The following TRAPPC12 variants were observed in gnomAD, a reference collection of about 807,000 sequenced individuals.
TRAPPC12 encodes trafficking protein particle complex subunit 12, also known as TPR repeat protein 15.
TRAPPC12 carries 61 observed loss-of-function variants against 69.2 expected under a neutral mutation model. The observed-to-expected ratio is 0.88, with a 90% confidence interval of 0.72 to 1.09. The LOEUF (loss-of-function observed/expected upper bound fraction) is 1.09. TRAPPC12 is among the 50% of genes least tolerant of loss of function. The pLI is 0.00. For synonymous variants in TRAPPC12, 469 were observed against 438.9 expected (o/e 1.07, Z -0.86); for missense variants, 1,101 against 1,016.4 (o/e 1.08, Z -1.13).
intron 3 of TRAPPC12, among the ~76,000 whole-genome samples, chr2:3,415,233 C>T (rs1311947313): frequency 1.3e-5 from 2 of 152,220 alleles, no homozygotes; most frequent in African/African-American, 4.8e-5. Flanking sequence ...TTCTGTTTCT[C>T]ACTCGCGGTG....
At chr2:3,479,050 A>C in intron 11 of TRAPPC12, 117 bp downstream of exon 11, 1 of 1,478,904 alleles carries the variant, frequency 6.8e-7, no homozygotes, top group Non-Finnish European at 9.2e-7. Context: ...CACCAGCTCC[A>C]GGCAGTGGCT....
At position 3,387,907 on chromosome 2, in the gene TRAPPC12, G is replaced by T; in HGVS notation, c.284G>T (p.Gly95Val). The T allele has an allele frequency of 6.5e-7, 1 of 1,549,118 alleles. No homozygotes were observed. Residue 95 changes from glycine to valine, a missense_variant, in exon 2 of 12, where the codon GGA (glycine) becomes GTA (valine). Gly to Val is a moderately radical substitution (Grantham distance 109). Coordinates refer to ENST00000324266, the MANE Select transcript of TRAPPC12 (RefSeq NM_016030.6). Reference protein sequence around the residue: ...LGRVRDEAEPGGEGDPGPEPA... With the variant: ...LGRVRDEAEPVGEGDPGPEPA... ...CGAGTGCGGGACGAAGCTGAGCCCG[G>T]AGGGGAAGGCGACCCAGGCCCGGAG...
intron 9 of TRAPPC12, chr2:3,466,242 C>T (rs1403661177): frequency 4.2e-6 from 2 of 470,718 alleles, no homozygotes; most frequent in Non-Finnish European, 8.8e-6. Flanking sequence ...CCTGTCAATC[C>T]CACCCTTGCA....
intron 2 of TRAPPC12, among the ~76,000 whole-genome samples, chr2:3,391,789 T>TC (rs1379467792): frequency 2.6e-5 from 4 of 152,086 alleles, no homozygotes; most frequent in African/African-American, 4.8e-5. Context: ...CTGTATCCTG[T>TC]CCCCCCAAGA....
At chr2:3,443,931 A>G (rs1459607750) in intron 6 of TRAPPC12, 40 bp downstream of exon 6, 6 of 1,481,986 alleles carry the variant, frequency 4.0e-6, no homozygotes, top group South Asian at 2.3e-5. Flanking sequence ...CGGGGAGAAC[A>G]TGCCCTCCAC....
At chr2:3,438,198 ACCCCTGG>A (rs1214321752) in intron 5 of TRAPPC12, among the ~76,000 whole-genome samples, 1 of 38,108 alleles carries the variant, frequency 2.6e-5, no homozygotes, top group Non-Finnish European at 4.8e-5. Flanking sequence ...AATCCCCACC[ACCCCTGG>A]ATTCATCCCC....
At chr2:3,457,160 A>G (rs966858877) in intron 6 of TRAPPC12, 5 of 461,600 alleles carry the variant, frequency 1.1e-5, no homozygotes, top group African/African-American at 1.0e-4. Context: ...CAACATGGAT[A>G]CAGCTGGAGG....
intron 1 of TRAPPC12, among the ~76,000 whole-genome samples, chr2:3,382,262 G>A (rs1572068768): frequency 6.7e-6 from 1 of 150,272 alleles, no homozygotes; most frequent in Non-Finnish European, 1.5e-5. Context: ...AGCCTCCCAA[G>A]TAGCTGAGAC....
chr2:3,409,282 T>G lies in TRAPPC12; in HGVS notation c.1164+7389T>G, dbSNP rs76473494. On this transcript the variant is annotated intron_variant, in intron 3 of 11. Transcript: ENST00000324266. ...ATCTCCTTTGGTGTGAACAAAAATA[T>G]TCCTGTGCCTAGAAATGTTTTTGAA... 0.017 allele frequency among the ~76,000 whole-genome samples: 2,648 copies of G among 152,328 alleles called. 114 individuals carry two copies. In the East Asian group the frequency reaches 0.17, roughly 10 times the overall value.
rs911324674 is a variant in TRAPPC12, at chr2:3,449,440, T to G, written c.1530+5549T>G. The G allele has an allele frequency of 2.0e-5, 3 of 152,552 alleles. No individual in the cohort carries two copies. The South Asian group carries it at 6.2e-4, about 32-fold the overall frequency. The allele number at this position is 152,552 out of a possible 1,614,324, so 9.4% of individuals were successfully genotyped here. On this transcript the variant is annotated intron_variant, in intron 6 of 11. Transcript: ENST00000324266. The stretch of plus-strand genomic sequence containing the variant: ...GAGAGTTTCACGTTCATCCAAGTGC[T>G]TCTTTACAGACTCACTCCCAGCTGG...
At chr2:3,404,401 C>T (rs906107843) in intron 3 of TRAPPC12, among the ~76,000 whole-genome samples, 3 of 152,134 alleles carry the variant, frequency 2.0e-5, no homozygotes, top group Admixed American at 1.3e-4. Flanking sequence ...ATATTCTTCT[C>T]GATCTTGATT....
chr2:3,452,615 A>G (rs1397465234), intron 6 of TRAPPC12, among the ~76,000 whole-genome samples: 11 of 152,052 alleles, frequency 7.2e-5, no homozygotes, highest in South Asian at 4.1e-4. Context: ...TGGGAGGCCC[A>G]TGGGCTCCGA....
intron 2 of TRAPPC12, among the ~76,000 whole-genome samples, chr2:3,396,751 G>C (rs1661155041): frequency 6.6e-6 from 1 of 151,868 alleles, no homozygotes; most frequent in Admixed American, 6.6e-5. Context: ...ACTTTTCCAT[G>C]TTTTTTACCT....
At chr2:3,401,952 T>C in intron 3 of TRAPPC12, 59 bp downstream of exon 3, 1 of 1,136,248 alleles carries the variant, frequency 8.8e-7, no homozygotes, top group Non-Finnish European at 1.2e-6. Context: ...CCTGCCTTCA[T>C]AATATTTTCT....
At chr2:3,466,111 CA>C in intron 9 of TRAPPC12, 1 of 396,102 alleles carries the variant, frequency 2.5e-6, no homozygotes, top group East Asian at 7.2e-5. Context: ...ACAGTGGTCT[CA>C]GTAATGCACA....
At chr2:3,424,749 T>A in intron 5 of TRAPPC12, 86 bp downstream of exon 5, 1 of 1,382,182 alleles carries the variant, frequency 7.2e-7, no homozygotes, top group Non-Finnish European at 9.7e-7. Flanking sequence ...GTAGCCTCAG[T>A]TTTCCTTATT....
chr2:3,401,744 T>C, intron 2 of TRAPPC12, 33 bp from the exon 3 acceptor site: 1 of 1,431,476 alleles, frequency 7.0e-7, no homozygotes, highest in Non-Finnish European at 9.5e-7. Context: ...GACATTTTAT[T>C]GTCTTGACAT....
chr2:3,391,960 CAG>C (rs1660849899), intron 2 of TRAPPC12, among the ~76,000 whole-genome samples: 1 of 152,150 alleles, frequency 6.6e-6, no homozygotes, highest in South Asian at 2.1e-4. Flanking sequence ...GACTGTAACT[CAG>C]AGGAAATCTG....
chr2:3,381,395 CA>C (rs1660201462), intron 1 of TRAPPC12, among the ~76,000 whole-genome samples: 1 of 152,120 alleles, frequency 6.6e-6, no homozygotes, highest in South Asian at 2.1e-4. Context: ...TTTTATTTCT[CA>C]AATACAGAAT....
Sources: allele counts gnomAD v4.1 joint callset (sites outside exome capture counted in the v4.1 genomes callset), GRCh38; gene constraint gnomAD v4.1.1; transcripts MANE v1.5; gene names NCBI Gene and HGNC (gene_info 2026-07-23, HGNC 2026-07-21).